Variants in NYAP2 observed in about 807,000 individuals in gnomAD.
The protein encoded by NYAP2 is neuronal tyrosine-phosphorylated phosphoinositide-3-kinase adaptor 2.
Under a neutral mutation model 50.4 loss-of-function variants are expected in NYAP2, and 23 were observed. The ratio of observed to expected loss-of-function variants is 0.46; its 90% CI spans 0.33 to 0.65. The LOEUF (loss-of-function observed/expected upper bound fraction) is 0.65, where lower values mean the gene tolerates loss of function less well. Among genes scored for constraint, NYAP2 ranks in the 30% least tolerant of loss-of-function variants. The probability of loss-of-function intolerance (pLI) is 0.02; values close to 1 mark genes in which losing one functional copy is unlikely to be tolerated. For missense variants in NYAP2, 885 were observed against 861.0 expected, an observed-to-expected ratio of 1.03 and a Z score of -0.35; for synonymous variants, 394 against 365.2, an observed-to-expected ratio of 1.08 and a Z score of -0.90.
intron 4 of NYAP2, among the ~76,000 whole-genome samples, chr2:225,573,315 G>A (rs1173799054): frequency 6.8e-6 from 1 of 147,396 alleles, no homozygotes; most frequent in Non-Finnish European, 1.5e-5. Context: ...GCAATGCCGT[G>A]ATCTAGGCTC....
At chr2:225,585,459 A>T (rs1036500892) in intron 5 of NYAP2, among the ~76,000 whole-genome samples, 2 of 152,248 alleles carry the variant, frequency 1.3e-5, no homozygotes, top group Non-Finnish European at 2.9e-5. Context: ...TATATGTCAC[A>T]GACTTTCTCA....
intron 5 of NYAP2, among the ~76,000 whole-genome samples, chr2:225,617,072 C>T (rs1454690001): frequency 6.6e-6 from 1 of 152,180 alleles, no homozygotes; most frequent in Non-Finnish European, 1.5e-5. Flanking sequence ...CCTTTGGTCT[C>T]TCTATTTTCA....
At chr2:225,643,000 C>T (rs1480741582) in intron 6 of NYAP2, among the ~76,000 whole-genome samples, 5 of 151,934 alleles carry the variant, frequency 3.3e-5, no homozygotes, top group Non-Finnish European at 5.9e-5. Flanking sequence ...AATACACAGA[C>T]AAAAACAAAA....
the NYAP2 span, among the ~76,000 whole-genome samples, chr2:225,697,298 C>T: frequency 6.6e-6 from 1 of 151,968 alleles, no homozygotes; most frequent in East Asian, 1.9e-4. Context: ...GGTAACCAAA[C>T]TGACCTCATG....
chr2:225,537,889 A>T (rs1332910819), intron 4 of NYAP2, among the ~76,000 whole-genome samples: 1 of 152,238 alleles, frequency 6.6e-6, no homozygotes, highest in Non-Finnish European at 1.5e-5. Flanking sequence ...CAGGCATTGG[A>T]TAAATACAGG....
At chr2:225,567,251 G>A (rs1691978406) in intron 4 of NYAP2, among the ~76,000 whole-genome samples, 2 of 152,034 alleles carry the variant, frequency 1.3e-5, no homozygotes, top group African/African-American at 2.4e-5. Context: ...GACCACAGTT[G>A]TATATGGGAT....
At chr2:225,688,760 T>C in the NYAP2 span, among the ~76,000 whole-genome samples, 4 of 152,232 alleles carry the variant, frequency 2.6e-5, no homozygotes, top group Non-Finnish European at 4.4e-5. Flanking sequence ...TGTCTATTTT[T>C]GAGATGGAGT....
chr2:225,507,599 G>A (rs1308044467), intron 3 of NYAP2, among the ~76,000 whole-genome samples: 2 of 152,340 alleles, frequency 1.3e-5, no homozygotes, highest in East Asian at 3.9e-4. Flanking sequence ...TGAGTTAAAT[G>A]TAGGATTTTA....
intron 3 of NYAP2, among the ~76,000 whole-genome samples, chr2:225,466,260 A>C (rs1689916424): frequency 6.6e-6 from 1 of 152,082 alleles, no homozygotes; most frequent in Non-Finnish European, 1.5e-5. Context: ...TCTCATTCCT[A>C]TATGGAATAT....
At chr2:225,441,871 A>G (rs1689475716) in intron 3 of NYAP2, among the ~76,000 whole-genome samples, 1 of 152,194 alleles carries the variant, frequency 6.6e-6, no homozygotes, top group Non-Finnish European at 1.5e-5. Context: ...TTCCTCATCT[A>G]TAAATTGGAA....
chr2:225,545,144 G>A (rs959607462), intron 4 of NYAP2, among the ~76,000 whole-genome samples: 3 of 151,948 alleles, frequency 2.0e-5, no homozygotes, highest in Non-Finnish European at 4.4e-5. Context: ...TTGGAAGTTC[G>A]CTTTTAAATG....
intron 3 of NYAP2, among the ~76,000 whole-genome samples, chr2:225,504,072 G>C (rs1481076809): frequency 5.9e-5 from 9 of 152,178 alleles, no homozygotes; most frequent in Admixed American, 5.9e-4. Context: ...AGTTAGGTAA[G>C]TCAGGAAGGA....
At chr2:225,466,768 G>C (rs1689925645) in intron 3 of NYAP2, among the ~76,000 whole-genome samples, 1 of 152,144 alleles carries the variant, frequency 6.6e-6, no homozygotes, top group African/African-American at 2.4e-5. Context: ...TTATAATATT[G>C]AGAGAATTTG....
intron 4 of NYAP2, among the ~76,000 whole-genome samples, chr2:225,569,456 G>A (rs1270001229): frequency 3.9e-5 from 6 of 152,074 alleles, no homozygotes; most frequent in Admixed American, 3.9e-4. Flanking sequence ...AGGTGAGAGA[G>A]ACCTCGAGAC....
chr2:225,657,923 A>T (rs933099458), downstream of NYAP2, among the ~76,000 whole-genome samples: 3 of 152,222 alleles, frequency 2.0e-5, no homozygotes, highest in Non-Finnish European at 4.4e-5. Flanking sequence ...ACTCTGTGTG[A>T]CCAACGGCCC....
chr2:225,473,653 GTTGT>G (rs1267837545), intron 3 of NYAP2, among the ~76,000 whole-genome samples: 3 of 152,242 alleles, frequency 2.0e-5, no homozygotes, highest in East Asian at 1.9e-4. Flanking sequence ...TGTTGATGGG[GTTGT>G]TTGTTTTTTT....
chr2:225,586,995 C>T (rs776771914), intron 5 of NYAP2, among the ~76,000 whole-genome samples: 1 of 152,100 alleles, frequency 6.6e-6, no homozygotes, highest in African/African-American at 2.4e-5. Context: ...AAGCAAAGAC[C>T]TTTTTCACAT....
At chr2:225,508,421 C>T (rs945472333) in intron 3 of NYAP2, among the ~76,000 whole-genome samples, 7 of 152,194 alleles carry the variant, frequency 4.6e-5, no homozygotes, top group Admixed American at 4.6e-4. Context: ...TCTTTCCCTG[C>T]TTCTTTGGTT....
At chr2:225,489,812 G>C (rs1366313490) in intron 3 of NYAP2, among the ~76,000 whole-genome samples, 1 of 152,142 alleles carries the variant, frequency 6.6e-6, no homozygotes, top group African/African-American at 2.4e-5. Flanking sequence ...AAATACCAGT[G>C]TCCTGGGACC....
Sources: allele counts gnomAD v4.1 joint callset (sites outside exome capture counted in the v4.1 genomes callset), GRCh38; gene constraint gnomAD v4.1.1; transcripts MANE v1.5; gene names NCBI Gene and HGNC (gene_info 2026-07-23, HGNC 2026-07-21).